The following TSHZ3 variants were observed in gnomAD, a reference collection of about 807,000 sequenced individuals.
The protein encoded by TSHZ3 is teashirt homolog 3.
Under a neutral mutation model 64.5 loss-of-function variants are expected in TSHZ3, and 10 were observed. That is an observed-to-expected ratio of 0.16 (90% CI 0.10 to 0.26). The LOEUF (loss-of-function observed/expected upper bound fraction) is 0.26. Among genes scored for constraint, TSHZ3 ranks in the 10% least tolerant of loss-of-function variants. The pLI is 1.00. For missense variants in TSHZ3, 1,242 were observed against 1,421.7 expected (o/e 0.87, Z 2.03); for synonymous variants, 608 against 593.1 (o/e 1.03, Z -0.36).
At chr19:31,244,555 G>C (rs764804482) in intron 1 of TSHZ3, among the ~76,000 whole-genome samples, 1 of 152,172 alleles carries the variant, frequency 6.6e-6, no homozygotes, top group African/African-American at 2.4e-5. Flanking sequence ...AAGTATATCA[G>C]TATAAAATTA....
At chr19:31,252,889 C>A (rs1975860708) in intron 1 of TSHZ3, among the ~76,000 whole-genome samples, 1 of 152,128 alleles carries the variant, frequency 6.6e-6, no homozygotes, top group South Asian at 2.1e-4. Context: ...CACCATTCAG[C>A]CCACTACTGT....
chr19:31,226,131 A>AAG (rs1975457584), intron 4 of TSHZ3, among the ~76,000 whole-genome samples: 1 of 151,962 alleles, frequency 6.6e-6, no homozygotes, highest in African/African-American at 2.4e-5. Flanking sequence ...ATCTTAAAAA[A>AAG]AAAAAAAAAG....
chr19:31,314,906 G>A (rs1916560404), intron 1 of TSHZ3, among the ~76,000 whole-genome samples: 1 of 152,230 alleles, frequency 6.6e-6, no homozygotes. Context: ...CACTGGAGGT[G>A]CTTACCTCTA....
intron 5 of TSHZ3, among the ~76,000 whole-genome samples, chr19:31,174,730 G>A (rs1017661346): frequency 1.3e-5 from 2 of 152,188 alleles, no homozygotes; most frequent in African/African-American, 2.4e-5. Flanking sequence ...CTAGGAGAGA[G>A]AGGCATGGAA....
intron 1 of TSHZ3, among the ~76,000 whole-genome samples, chr19:31,334,877 A>C (rs943266336): frequency 6.6e-6 from 1 of 152,154 alleles, no homozygotes; most frequent in African/African-American, 2.4e-5. Flanking sequence ...GCCAAAATGC[A>C]CACCCACAGA....
intron 1 of TSHZ3, among the ~76,000 whole-genome samples, chr19:31,292,892 C>T (rs1568371523): frequency 7.7e-6 from 1 of 129,124 alleles, no homozygotes; most frequent in Non-Finnish European, 1.8e-5. Context: ...CATTCAAAAA[C>T]TCATCCATCC....
chr19:31,318,417 A>C (rs1003130608), intron 1 of TSHZ3, among the ~76,000 whole-genome samples: 4 of 152,170 alleles, frequency 2.6e-5, no homozygotes, highest in Admixed American at 1.3e-4. Flanking sequence ...GCTGGTTGCC[A>C]TCTGTTGATA....
chr19:31,163,694 G>A (rs1175224588), intron 5 of TSHZ3, among the ~76,000 whole-genome samples: 1 of 152,144 alleles, frequency 6.6e-6, no homozygotes, highest in African/African-American at 2.4e-5. Context: ...TGGTACCACT[G>A]CACTCCAATC....
intron 6 of TSHZ3, among the ~76,000 whole-genome samples, chr19:31,156,299 C>T (rs1480905093): frequency 6.6e-6 from 1 of 152,166 alleles, no homozygotes; most frequent in Non-Finnish European, 1.5e-5. Flanking sequence ...CAGTTAGGAG[C>T]AGACAGAGAA....
intron 1 of TSHZ3, among the ~76,000 whole-genome samples, chr19:31,323,607 C>T (rs1348292567): frequency 6.6e-6 from 1 of 152,146 alleles, no homozygotes; most frequent in South Asian, 2.1e-4. Flanking sequence ...CCTCTGCTCT[C>T]AGTGATGCGG....
intron 3 of TSHZ3, among the ~76,000 whole-genome samples, chr19:31,236,985 C>G (rs1033281177): frequency 2.0e-5 from 3 of 152,160 alleles, no homozygotes; most frequent in Admixed American, 1.3e-4. Context: ...CCCGTCTCTA[C>G]TAAAAATACA....
rs1351711570 is a variant in TSHZ3 at position 31,314,869 on chromosome 19, C to T, written c.40+34311G>A. 2.0e-5 allele frequency among the ~76,000 whole-genome samples: 3 copies of T among 152,190 alleles called. No homozygotes were observed. The South Asian group carries it at 6.2e-4, about 31-fold the overall frequency. ...CTCCAGGGGAAGGCTCAGCTCATGG[C>T]CCCTGGGAGAAGCCAGGCTCCTGAG... On this transcript the variant is annotated intron_variant, in intron 1 of 1. Coordinates refer to ENST00000240587, the MANE Select transcript of TSHZ3 (RefSeq NM_020856.4).
At chr19:31,234,558 T>G (rs1486908471) in intron 3 of TSHZ3, among the ~76,000 whole-genome samples, 1 of 152,232 alleles carries the variant, frequency 6.6e-6, no homozygotes, top group African/African-American at 2.4e-5. Context: ...TTCCTTCTAT[T>G]TGCAATTTGC....
chr19:31,308,501 G>A (rs1030356730), intron 1 of TSHZ3: 5 of 387,988 alleles, frequency 1.3e-5, no homozygotes, highest in Admixed American at 4.5e-5. Context: ...GTTTGTCATC[G>A]TCTCCAGCGT....
intron 5 of TSHZ3, among the ~76,000 whole-genome samples, chr19:31,177,933 T>C (rs1414308443): frequency 3.3e-5 from 5 of 152,158 alleles, no homozygotes; most frequent in Admixed American, 1.3e-4. Context: ...GCTCCTGTAG[T>C]CCACTTTCTG....
At chr19:31,268,686 G>A (rs1286293712) in intron 1 of TSHZ3, among the ~76,000 whole-genome samples, 1 of 152,186 alleles carries the variant, frequency 6.6e-6, no homozygotes, top group African/African-American at 2.4e-5. Flanking sequence ...TGCCACCCGA[G>A]AAGAATATCA....
chr19:31,268,655 G>T (rs2145204229), intron 1 of TSHZ3, among the ~76,000 whole-genome samples: 1 of 152,286 alleles, frequency 6.6e-6, no homozygotes, highest in Non-Finnish European at 1.5e-5. Context: ...GACACAAAAA[G>T]AAAGTAGTGA....
chr19:31,216,792 G>A (rs1048441565), intron 4 of TSHZ3, among the ~76,000 whole-genome samples: 1 of 151,926 alleles, frequency 6.6e-6, no homozygotes, highest in Admixed American at 6.6e-5. Flanking sequence ...CCGCCACCAC[G>A]CCTGGCCAAT....
chr19:31,278,771 G>A lies in TSHZ3; in HGVS notation c.1022C>T (p.Pro341Leu). The A allele has an allele frequency of 1.2e-6, 2 of 1,614,188 alleles. No individual in the cohort carries two copies. The highest frequency in any genetic ancestry group is 1.3e-5 in the African/African-American group (1 of 75,056). ...PSSPDSTGGT[P>L]KATISDTNDA... ...GTTGGTGTCTGAGATGGTGGCTTTG[G>A]GGGTTCCACCTGTGGAATCTGGGGA... Residue 341 changes from proline (P) to leucine (L), a missense_variant, in exon 2 of 2, where the codon CCC becomes CTC. This residue lies in a region of TSHZ3 where 555 missense variants were observed against 704.0 expected (regional missense o/e 0.79). Coordinates refer to ENST00000240587, the MANE Select transcript of TSHZ3 (RefSeq NM_020856.4). The surrounding 1 kb of genome is among the most constrained non-coding windows in gnomAD (Gnocchi z 4.7).
Sources: gnomAD v4.1 joint callset for allele counts (sites outside exome capture counted in the v4.1 genomes callset) on GRCh38, gnomAD v4.1.1 for gene constraint, gnomAD v4.1.1 regional missense constraint, Gnocchi (gnomAD v3.1) non-coding constraint, MANE v1.5 for transcripts, NCBI Gene and HGNC (gene_info 2026-07-23, HGNC 2026-07-21) for gene names.